PTPRG: variants seen among roughly 807,000 people sequenced by gnomAD.
PTPRG encodes receptor-type tyrosine-protein phosphatase gamma.
PTPRG carries 102 observed loss-of-function variants against 165.3 expected under a neutral mutation model. The observed-to-expected ratio is 0.62, with a 90% confidence interval of 0.53 to 0.73. PTPRG has a LOEUF of 0.73. PTPRG is among the 30% of genes least tolerant of loss of function. The probability of loss-of-function intolerance (pLI) is 0.00; values close to 1 mark genes in which losing one functional copy is unlikely to be tolerated. For missense variants in PTPRG, 1,866 were observed against 1,861.4 expected (o/e 1.00, Z -0.05); for synonymous variants, 675 against 669.5 (o/e 1.01, Z -0.13).
intron 1 of PTPRG, among the ~76,000 whole-genome samples, chr3:61,721,976 G>A (rs944365157): frequency 3.3e-5 from 5 of 152,136 alleles, no homozygotes; most frequent in African/African-American, 1.2e-4. Flanking sequence ...GCAACATGAA[G>A]TGTTGCATCG....
chr3:61,954,562 TA>T (rs2039991481), intron 2 of PTPRG, among the ~76,000 whole-genome samples: 1 of 152,150 alleles, frequency 6.6e-6, no homozygotes, highest in South Asian at 2.1e-4. Flanking sequence ...GGGAGACGTT[TA>T]TTCTAGCCCT....
intron 5 of PTPRG, among the ~76,000 whole-genome samples, chr3:62,127,974 T>G (rs1163268332): frequency 6.6e-6 from 1 of 152,220 alleles, no homozygotes; most frequent in East Asian, 1.9e-4. Context: ...AAGAAAATGT[T>G]ACGAAGTTTA....
At chr3:61,802,277 A>T (rs527523183) in intron 2 of PTPRG, among the ~76,000 whole-genome samples, 2 of 152,162 alleles carry the variant, frequency 1.3e-5, no homozygotes, top group African/African-American at 4.8e-5. Context: ...CCAGTTCATG[A>T]TTTGAATAGG....
intron 8 of PTPRG, among the ~76,000 whole-genome samples, chr3:62,168,893 G>A (rs762023975): frequency 2.4e-4 from 37 of 152,126 alleles, no homozygotes; most frequent in Admixed American, 3.3e-4. Flanking sequence ...TTATTGAGTG[G>A]CGGAGTTGGC....
chr3:61,950,664 T>TA (rs1304297226), intron 2 of PTPRG, among the ~76,000 whole-genome samples: 2 of 152,242 alleles, frequency 1.3e-5, no homozygotes, highest in East Asian at 1.9e-4. Flanking sequence ...GGTAACTGGA[T>TA]AAAAAAACTC....
intron 1 of PTPRG, among the ~76,000 whole-genome samples, chr3:61,672,230 T>C: frequency 8.9e-6 from 1 of 112,708 alleles, no homozygotes; most frequent in Non-Finnish European, 1.9e-5. Context: ...CTCCTCACTT[T>C]CCAGACTGGG....
chr3:62,140,425 A>G (rs2106949067), intron 6 of PTPRG, among the ~76,000 whole-genome samples: 1 of 152,236 alleles, frequency 6.6e-6, no homozygotes, highest in East Asian at 1.9e-4. Flanking sequence ...ATTATGCTGC[A>G]CTTACAAATA....
At chr3:62,014,712 T>A (rs2041500073) in intron 4 of PTPRG, among the ~76,000 whole-genome samples, 1 of 152,212 alleles carries the variant, frequency 6.6e-6, no homozygotes, top group Admixed American at 6.5e-5. Flanking sequence ...TTCTTTGAAT[T>A]TGTCTTTGTC....
intron 28 of PTPRG, among the ~76,000 whole-genome samples, chr3:62,287,389 A>G (rs1366533708): frequency 6.6e-6 from 1 of 152,212 alleles, no homozygotes. Flanking sequence ...TAGAGCTATC[A>G]TAATAGGGTA....
intron 26 of PTPRG, among the ~76,000 whole-genome samples, chr3:62,280,983 C>A (rs1158888810): frequency 6.6e-6 from 1 of 151,890 alleles, no homozygotes; most frequent in Non-Finnish European, 1.5e-5. Flanking sequence ...GGGAATCATG[C>A]CAATATTGAG....
At chr3:62,137,335 T>TA (rs1202337431) in intron 6 of PTPRG, among the ~76,000 whole-genome samples, 32 of 151,302 alleles carry the variant, frequency 2.1e-4, no homozygotes, top group East Asian at 1.7e-3. Flanking sequence ...ATCCATTTTT[T>TA]AAAAAAAAAA....
intron 1 of PTPRG, among the ~76,000 whole-genome samples, chr3:61,662,881 A>G (rs549446908): frequency 6.6e-6 from 1 of 152,246 alleles, no homozygotes; most frequent in Non-Finnish European, 1.5e-5. Flanking sequence ...GCGGAAATGC[A>G]GGTGAGCAAG....
At chr3:61,807,358 A>C (rs746658671) in intron 2 of PTPRG, among the ~76,000 whole-genome samples, 1 of 152,206 alleles carries the variant, frequency 6.6e-6, no homozygotes, top group Non-Finnish European at 1.5e-5. Flanking sequence ...TCATTACTCA[A>C]GTTTACATCC....
At chr3:62,080,253 T>G (rs1701525234) in intron 5 of PTPRG, among the ~76,000 whole-genome samples, 1 of 149,998 alleles carries the variant, frequency 6.7e-6, no homozygotes, top group Non-Finnish European at 1.5e-5. Context: ...TTTTTGTATT[T>G]TTAGTAGAGG....
chr3:61,975,748 C>T (rs2040487636), intron 2 of PTPRG, among the ~76,000 whole-genome samples: 1 of 151,978 alleles, frequency 6.6e-6, no homozygotes, highest in Non-Finnish European at 1.5e-5. Flanking sequence ...ATGTGTTTCT[C>T]CTCCATCAAT....
intron 2 of PTPRG, among the ~76,000 whole-genome samples, chr3:61,840,778 G>GTTTTTTTTTTTTTTTTTTT (rs1421518243): frequency 1.9e-5 from 2 of 106,194 alleles, no homozygotes; most frequent in African/African-American, 8.9e-5. Flanking sequence ...TTTTTTGTTT[G>GTTTTTTTTTTTTTTTTTTT]TTTGTTTTTT....
chr3:61,672,575 T>A (rs1447587328), intron 1 of PTPRG, among the ~76,000 whole-genome samples: 1 of 77,386 alleles, frequency 1.3e-5, no homozygotes, highest in East Asian at 5.6e-4. Context: ...AGAAAACCAG[T>A]CAGGCATGGC....
chr3:61,887,143 TATATATATATATATATATATATATATA>T, intron 2 of PTPRG, among the ~76,000 whole-genome samples: 2 of 55,720 alleles, frequency 3.6e-5, no homozygotes, highest in South Asian at 1.2e-3. Context: ...TATATATATA[TATATATATATATATATATATATATATA>T]TTTTTAATGC....
At chr3:61,916,400 T>A (rs1323629145) in intron 2 of PTPRG, among the ~76,000 whole-genome samples, 1 of 152,200 alleles carries the variant, frequency 6.6e-6, no homozygotes, top group African/African-American at 2.4e-5. Context: ...TCGTGTTAGA[T>A]GGCACCAAAG....
Sources: allele counts gnomAD v4.1 joint callset (sites outside exome capture counted in the v4.1 genomes callset), GRCh38; gene constraint gnomAD v4.1.1; transcripts MANE v1.5; gene names NCBI Gene and HGNC (gene_info 2026-07-23, HGNC 2026-07-21).